TIMP3: variants seen among roughly 807,000 people sequenced by gnomAD.
TIMP3 encodes the protein metalloproteinase inhibitor 3.
In TIMP3, 11 loss-of-function variants were observed where a neutral mutation model predicts 30.0. That is an observed-to-expected ratio of 0.37 (90% CI 0.23 to 0.61). The LOEUF (loss-of-function observed/expected upper bound fraction) is 0.61, where lower values mean the gene tolerates loss of function less well. Ranked by LOEUF, TIMP3 falls within the 20% of genes least tolerant of loss-of-function variation. TIMP3 has a pLI of 0.70. For missense variants in TIMP3, 181 were observed against 276.8 expected (o/e 0.65, Z 2.45); for synonymous variants, 112 against 111.3 (o/e 1.01, Z -0.04).
intron 1 of TIMP3, among the ~76,000 whole-genome samples, chr22:32,843,870 C>T (rs985124483): frequency 2.6e-5 from 4 of 152,100 alleles, no homozygotes; most frequent in African/African-American, 9.7e-5. Context: ...TTTTAAAAAC[C>T]ATGCCTTAAA....
At chr22:32,827,722 G>A (rs1220175051) in intron 1 of TIMP3, among the ~76,000 whole-genome samples, 1 of 152,208 alleles carries the variant, frequency 6.6e-6, no homozygotes, top group Non-Finnish European at 1.5e-5. Flanking sequence ...AATTCCTCAA[G>A]AAGCTCTAGA....
At chr22:32,826,241 C>T (rs1001711959) in intron 1 of TIMP3, among the ~76,000 whole-genome samples, 1 of 152,086 alleles carries the variant, frequency 6.6e-6, no homozygotes, top group Admixed American at 6.6e-5. Context: ...CCAGGCTGGT[C>T]AACATGGTGA....
intron 1 of TIMP3, among the ~76,000 whole-genome samples, chr22:32,818,284 A>C (rs1314731449): frequency 7.2e-5 from 11 of 152,172 alleles, no homozygotes; most frequent in Non-Finnish European, 1.2e-4. Context: ...TGCTGGGCAA[A>C]GCAAGGACGG....
rs1316942220 is a variant in TIMP3, at chr22:32,862,612, T to C, written c.*3235T>C. 6.6e-6 allele frequency: 1 copy of C among 152,208 alleles called. No individual in the cohort carries two copies. The highest frequency in any genetic ancestry group is 2.4e-5 in the African/African-American group (1 of 41,442). The allele number at this position is 152,208 out of a possible 1,614,324, so 9.4% of individuals were successfully genotyped here. On this transcript the variant is annotated 3_prime_UTR_variant, in exon 5 of 5. Coordinates refer to ENST00000266085, the MANE Select transcript of TIMP3 (RefSeq NM_000362.5). Reference sequence around the variant, plus strand: ...CTAAGGTTAACATGTCACTAGAGTATTTTTATGAGAGACAAACATTATAAA... The same window carrying C: ...CTAAGGTTAACATGTCACTAGAGTACTTTTATGAGAGACAAACATTATAAA...
At chr22:32,806,140 A>C (rs113008005) in intron 1 of TIMP3, among the ~76,000 whole-genome samples, 10 of 152,120 alleles carry the variant, frequency 6.6e-5, no homozygotes, top group African/African-American at 2.2e-4. Context: ...AGGTGGGATC[A>C]GTTAGGGCTC....
chr22:32,847,395 G>C (rs1262237269), intron 1 of TIMP3, among the ~76,000 whole-genome samples: 1 of 152,128 alleles, frequency 6.6e-6, no homozygotes, highest in Non-Finnish European at 1.5e-5. Flanking sequence ...ACAACCACTC[G>C]CCTCCTCCTA....
intron 1 of TIMP3, among the ~76,000 whole-genome samples, chr22:32,820,156 C>G (rs1028730175): frequency 6.6e-6 from 1 of 152,182 alleles, no homozygotes; most frequent in East Asian, 1.9e-4. Context: ...CAGGCCGTCT[C>G]TGAGGCTGGC....
Position 32,862,601 on chromosome 22 carries a change from T to A in TIMP3, c.*3224T>A, listed in dbSNP as rs984843216. 3.9e-5 allele frequency: 6 copies of A among 152,192 alleles called. No individual in the cohort carries two copies. The highest frequency in any genetic ancestry group is 6.5e-5 in the Admixed American group (1 of 15,276). 9.4% of individuals were successfully genotyped at this position (152,192 alleles called of 1,614,324 possible). On this transcript the variant is annotated 3_prime_UTR_variant, in exon 5 of 5. Coordinates refer to ENST00000266085, the MANE Select transcript of TIMP3 (RefSeq NM_000362.5). ...CTTCTGGCTACCTAAGGTTAACATG[T>A]CACTAGAGTATTTTTATGAGAGACA...
chr22:32,854,841 A>T (rs2048321173), intron 2 of TIMP3, among the ~76,000 whole-genome samples: 1 of 152,214 alleles, frequency 6.6e-6, no homozygotes, highest in South Asian at 2.1e-4. Context: ...GTCCATCAGA[A>T]CAATGTGTGC....
chr22:32,837,061 T>A lies in TIMP3; in HGVS notation c.122-12391T>A, dbSNP rs968950680. The stretch of plus-strand genomic sequence containing the variant: ...TAGGCCTATCCCAGAGTCCCTCAGC[T>A]CTCCTAGCAAACAAAATCCCAATTA... On this transcript the variant is annotated intron_variant, in intron 1 of 4. Transcript: ENST00000266085. This position sits in a 1 kb window ranked among gnomAD's most constrained non-coding sequence, Gnocchi z 4.1. 1.3e-5 allele frequency among the ~76,000 whole-genome samples: 2 copies of A among 152,032 alleles called. No individual in the cohort carries two copies. The highest frequency in any genetic ancestry group is 2.9e-5 in the Non-Finnish European group (2 of 68,010).
At chr22:32,826,606 A>G (rs1253212772) in intron 1 of TIMP3, among the ~76,000 whole-genome samples, 1 of 152,204 alleles carries the variant, frequency 6.6e-6, no homozygotes, top group Non-Finnish European at 1.5e-5. Flanking sequence ...ACACTTTAAA[A>G]GAAAGAAAGA....
chr22:32,857,684 C>G (rs746255780), intron 3 of TIMP3, among the ~76,000 whole-genome samples: 18 of 152,192 alleles, frequency 1.2e-4, no homozygotes, highest in Non-Finnish European at 1.0e-4. Flanking sequence ...GAAAGTTATT[C>G]ATCTTTAGGC....
chr22:32,833,092 G>A (rs2047625376), intron 1 of TIMP3, among the ~76,000 whole-genome samples: 2 of 152,148 alleles, frequency 1.3e-5, no homozygotes, highest in Non-Finnish European at 1.5e-5. Context: ...TGATGGTGAA[G>A]TCTCAAGCTG....
chr22:32,808,785 T>C (rs924981735), intron 1 of TIMP3, among the ~76,000 whole-genome samples: 3 of 152,184 alleles, frequency 2.0e-5, no homozygotes, highest in Admixed American at 6.5e-5. Context: ...ATTTTAAGCA[T>C]GCTGAAAAAC....
At chr22:32,832,090 T>G (rs539811132) in intron 1 of TIMP3, among the ~76,000 whole-genome samples, 22 of 152,298 alleles carry the variant, frequency 1.4e-4, no homozygotes, top group Admixed American at 1.1e-3. Flanking sequence ...ACTCCGTACT[T>G]GTTTCTGTCC....
chr22:32,833,960 G>A (rs962860560), intron 1 of TIMP3: 2 of 481,576 alleles, frequency 4.2e-6, no homozygotes, highest in African/African-American at 2.0e-5. Flanking sequence ...GGAAAGTGGG[G>A]AACTACCCAC....
chr22:32,859,089 T>C, intron 4 of TIMP3, 91 bp from the exon 5 acceptor site: 1 of 1,295,668 alleles, frequency 7.7e-7, no homozygotes, highest in Non-Finnish European at 1.1e-6. Flanking sequence ...TCCCATGCAG[T>C]GGCCCCAGGG....
At chr22:32,820,362 G>A (rs1362843090) in intron 1 of TIMP3, among the ~76,000 whole-genome samples, 2 of 150,800 alleles carry the variant, frequency 1.3e-5, no homozygotes, top group African/African-American at 4.9e-5. Flanking sequence ...GCGTGTGTGT[G>A]TGTGTGTGTG....
chr22:32,851,811 G>C (rs565694896), intron 2 of TIMP3, among the ~76,000 whole-genome samples: 3 of 152,232 alleles, frequency 2.0e-5, no homozygotes, highest in African/African-American at 7.2e-5. Context: ...CCTCCATAGA[G>C]GGTATCATGA....
Sources: allele counts gnomAD v4.1 joint callset (sites outside exome capture counted in the v4.1 genomes callset), GRCh38; gene constraint gnomAD v4.1.1; non-coding constraint Gnocchi (gnomAD v3.1); transcripts MANE v1.5; gene names NCBI Gene and HGNC (gene_info 2026-07-23, HGNC 2026-07-21).